CCDC30: variants seen among roughly 807,000 people sequenced by gnomAD.
CCDC30 encodes the protein coiled-coil domain containing 30.
Under a neutral mutation model 100.2 loss-of-function variants are expected in CCDC30, and 70 were observed. The ratio of observed to expected loss-of-function variants is 0.70; its 90% CI spans 0.58 to 0.85. CCDC30 has a LOEUF of 0.85. Among genes scored for constraint, CCDC30 ranks in the 40% least tolerant of loss-of-function variants. The probability of loss-of-function intolerance (pLI) is 0.00; values close to 1 mark genes in which losing one functional copy is unlikely to be tolerated. For missense variants in CCDC30, 652 were observed against 771.2 expected (o/e 0.85, Z 1.83); for synonymous variants, 233 against 269.5 (o/e 0.86, Z 1.33).
chr1:42,482,962 AC>A, intron 3 of CCDC30, 146 bp downstream of exon 3: 1 of 559,280 alleles, frequency 1.8e-6, no homozygotes, highest in Non-Finnish European at 2.7e-6. Flanking sequence ...CTCATTTTCT[AC>A]CATGCTAGGA....
At chr1:42,539,687 A>G (rs1386414575) in intron 6 of CCDC30, among the ~76,000 whole-genome samples, 4 of 152,228 alleles carry the variant, frequency 2.6e-5, no homozygotes, top group African/African-American at 4.8e-5. Context: ...AATGTCTTCA[A>G]TTTAAAAATT....
exon 12 of CCDC30, chr1:42,637,323 A>G: frequency 6.3e-7 from 1 of 1,589,970 alleles, no homozygotes; most frequent in Non-Finnish European, 8.5e-7. Context: ...CTACGAGATA[A>G]GAGAATTAAC....
rs111564458 is a variant in CCDC30 at position 42,584,523 on chromosome 1, G to A, written c.1001+3009G>A. Among the ~76,000 whole-genome samples the A allele has an allele frequency of 8.2e-3, 1,250 of 152,244 alleles. 13 individuals are homozygous for A. Among genetic ancestry groups the A allele is most frequent in the African/African-American group, 0.027 (1,131 of 41,528 alleles). ...CAAGAAAATTGCTTAAACCCAGGAG[G>A]CAGAGGTTGCAGTGAGCCAAGATGG... On this transcript the variant is annotated intron_variant, in intron 9 of 16. Coordinates refer to ENST00000668663, the Ensembl canonical transcript of CCDC30.
intron 6 of CCDC30, among the ~76,000 whole-genome samples, chr1:42,534,356 A>C (rs549503176): frequency 5.2e-4 from 79 of 152,306 alleles, no homozygotes; most frequent in Admixed American, 2.3e-3. Flanking sequence ...TGTGAATCTG[A>C]AAAAATATTC....
At chr1:42,625,947 G>A (rs12036153) in intron 11 of CCDC30, among the ~76,000 whole-genome samples, 19,293 of 152,040 alleles carry the variant, frequency 0.13, 1,427 homozygotes, top group East Asian at 0.28. Context: ...CTGAAAGTGA[G>A]GTGTTGAAGT....
chr1:42,555,530 T>G (rs2148549880), intron 6 of CCDC30, among the ~76,000 whole-genome samples: 1 of 152,338 alleles, frequency 6.6e-6, no homozygotes, highest in South Asian at 2.1e-4. Flanking sequence ...TGGCTAGTGC[T>G]TATTAAAATC....
In CCDC30 at chr1:42,589,433, C is replaced by A. The variant is rs761544035; in HGVS notation, c.1114C>A (p.Gln372Lys). The A allele has an allele frequency of 2.5e-6, 4 of 1,613,880 alleles. 1 individual carries two copies. In the South Asian group the frequency reaches 4.4e-5, roughly 18 times the overall value. ...TCAGCAACAATCCAGAATTCAGCAA[C>A]AAGAGGCCCTACTTAAACAACTGGA... Residue 372 changes from glutamine (Q) to lysine (K), a missense_variant, in exon 10 of 17, where the codon CAA becomes AAA. Physicochemically the swap from Gln to Lys is moderately conservative, Grantham distance 53. Coordinates refer to ENST00000668663, the Ensembl canonical transcript of CCDC30.
Position 42,585,201 on chromosome 1 carries a change from A to ATCCTTT in CCDC30, c.1001+3689_1001+3694dup, listed in dbSNP as rs1032917245. On this transcript the variant is annotated intron_variant, in intron 9 of 16. Transcript: ENST00000668663. ...GAATTGTTCATAATACTCCTTTATT[A>ATCCTTT]TCCTTTTAATGTCCATGGAGTTAGT... is the stretch of plus-strand genomic sequence containing the variant. 6.6e-4 allele frequency among the ~76,000 whole-genome samples: 100 copies of ATCCTTT among 152,270 alleles called. 2 individuals carry two copies. The highest frequency in any genetic ancestry group is 3.4e-3 in the Middle Eastern group (1 of 294).
chr1:42,576,265 A>C (rs1645835257), intron 7 of CCDC30, among the ~76,000 whole-genome samples: 1 of 152,086 alleles, frequency 6.6e-6, no homozygotes, highest in Non-Finnish European at 1.5e-5. Flanking sequence ...GAGTGGTGGC[A>C]AAAAAAATGA....
intron 3 of CCDC30, among the ~76,000 whole-genome samples, chr1:42,484,506 G>A (rs929064394): frequency 6.6e-6 from 1 of 152,186 alleles, no homozygotes; most frequent in Non-Finnish European, 1.5e-5. Context: ...TTGCTCTGTA[G>A]GGTAAATCCC....
At chr1:42,496,208 T>A (rs1307081364) in intron 4 of CCDC30, among the ~76,000 whole-genome samples, 2 of 151,600 alleles carry the variant, frequency 1.3e-5, no homozygotes, top group Non-Finnish European at 2.9e-5. Flanking sequence ...GGCAGTAATG[T>A]TGTGAAGATA....
intron 7 of CCDC30, among the ~76,000 whole-genome samples, chr1:42,568,816 G>T (rs1056078271): frequency 4.6e-5 from 7 of 150,942 alleles, no homozygotes; most frequent in African/African-American, 9.7e-5. Flanking sequence ...GGTAGCACAC[G>T]CCTGTAGTCC....
exon 17 of CCDC30, chr1:42,654,058 A>T (rs367709425): frequency 7.5e-5 from 115 of 1,533,274 alleles, no homozygotes; most frequent in Non-Finnish European, 9.6e-5. Flanking sequence ...TATACTGAAC[A>T]AAAGTGGTAA....
chr1:42,548,470 T>C (rs1319284457), intron 6 of CCDC30, among the ~76,000 whole-genome samples: 2 of 152,070 alleles, frequency 1.3e-5, no homozygotes, highest in Non-Finnish European at 2.9e-5. Context: ...AAACTCTATA[T>C]TGGATTTGGA....
intron 11 of CCDC30, among the ~76,000 whole-genome samples, chr1:42,616,112 C>T (rs550322472): frequency 5.3e-5 from 8 of 152,228 alleles, no homozygotes; most frequent in East Asian, 3.9e-4. Context: ...GACAGGGTTT[C>T]GCCATATTGG....
At chr1:42,494,761 A>G (rs1644203198) in intron 4 of CCDC30, among the ~76,000 whole-genome samples, 5 of 128,430 alleles carry the variant, frequency 3.9e-5, no homozygotes, top group African/African-American at 5.9e-5. Flanking sequence ...AAAAATGCTC[A>G]CCATCACTGG....
chr1:42,500,998 T>TAA (rs1172971327), intron 6 of CCDC30, among the ~76,000 whole-genome samples: 1 of 152,186 alleles, frequency 6.6e-6, no homozygotes, highest in Admixed American at 6.5e-5. Flanking sequence ...TAGTGTTTTA[T>TAA]AAAGAGTAGA....
chr1:42,536,564 T>C, intron 6 of CCDC30: 1 of 1,613,642 alleles, frequency 6.2e-7, no homozygotes, highest in South Asian at 1.1e-5. Flanking sequence ...GCATCTGGTC[T>C]TGACACTGCA....
intron 11 of CCDC30, among the ~76,000 whole-genome samples, chr1:42,634,460 T>C (rs567614987): frequency 3.2e-4 from 48 of 152,198 alleles, no homozygotes; most frequent in Admixed American, 3.1e-3. Context: ...ATGTGAACAA[T>C]GCAGAGGTTT....
Sources: allele counts gnomAD v4.1 joint callset (sites outside exome capture counted in the v4.1 genomes callset), GRCh38; gene constraint gnomAD v4.1.1; transcripts MANE v1.5; gene names NCBI Gene and HGNC (gene_info 2026-07-23, HGNC 2026-07-21).